Variants in PTPRG observed in about 807,000 individuals in gnomAD.
PTPRG encodes the protein receptor-type tyrosine-protein phosphatase gamma.
PTPRG carries 102 observed loss-of-function variants against 165.3 expected under a neutral mutation model. The ratio of observed to expected loss-of-function variants is 0.62; its 90% CI spans 0.53 to 0.73. The LOEUF is 0.73. PTPRG is among the 30% of genes least tolerant of loss of function. The pLI, the probability that PTPRG is intolerant of heterozygous loss-of-function variation, is 0.00. For synonymous variants in PTPRG, 675 were observed against 669.5 expected (o/e 1.01, Z -0.13); for missense variants, 1,866 against 1,861.4 (o/e 1.00, Z -0.05).
chr3:61,885,400 C>T (rs1053500708), intron 2 of PTPRG, among the ~76,000 whole-genome samples: 3 of 146,220 alleles, frequency 2.1e-5, no homozygotes, highest in African/African-American at 5.4e-5. Flanking sequence ...TAGCCACTGT[C>T]GGTGTTTTTT....
chr3:62,273,235 C>T lies in PTPRG; in HGVS notation c.3318+154C>T, dbSNP rs1254333170. 6.6e-6 allele frequency among the ~76,000 whole-genome samples: 1 copy of T among 152,310 alleles called. No individual in the cohort carries two copies. Among genetic ancestry groups the T allele is most frequent in the East Asian group, 1.9e-4 (1 of 5,176 alleles). Reference sequence around the variant, plus strand: ...ATATTCTGACAATGATCCTATTCTACGGATCACAGTTTTCCATTTCTGTAT... The same window carrying T: ...ATATTCTGACAATGATCCTATTCTATGGATCACAGTTTTCCATTTCTGTAT... On this transcript the variant is annotated intron_variant, in intron 22 of 29. Coordinates refer to ENST00000474889, the MANE Select transcript of PTPRG (RefSeq NM_002841.4). The surrounding 1 kb of genome is among the most constrained non-coding windows in gnomAD (Gnocchi z 4.1).
At chr3:62,220,404 G>C (rs370477372) in intron 13 of PTPRG, among the ~76,000 whole-genome samples, 7 of 152,342 alleles carry the variant, frequency 4.6e-5, no homozygotes, top group African/African-American at 1.7e-4. Context: ...ACTAGTTCAA[G>C]AAGGACACGA....
chr3:62,161,830 T>C (rs780288643), intron 7 of PTPRG, among the ~76,000 whole-genome samples: 5 of 152,182 alleles, frequency 3.3e-5, no homozygotes, highest in Non-Finnish European at 5.9e-5. Flanking sequence ...TCCATTATCA[T>C]TGTCTTGTTT....
chr3:62,125,680 C>CTTT (rs34765777), intron 5 of PTPRG, among the ~76,000 whole-genome samples: 3 of 139,794 alleles, frequency 2.1e-5, no homozygotes, highest in East Asian at 2.1e-4. Context: ...GATCTCATAC[C>CTTT]TTTTTTTTTT....
At chr3:61,652,947 C>G (rs1292462113) in intron 1 of PTPRG, among the ~76,000 whole-genome samples, 1 of 152,164 alleles carries the variant, frequency 6.6e-6, no homozygotes, top group Non-Finnish European at 1.5e-5. Context: ...ATCTTTGTAT[C>G]AAAATGCTAT....
At chr3:61,901,091 T>C (rs2038487930) in intron 2 of PTPRG, among the ~76,000 whole-genome samples, 1 of 152,230 alleles carries the variant, frequency 6.6e-6, no homozygotes, top group Non-Finnish European at 1.5e-5. Context: ...TAGGAATAGA[T>C]GGCAAACCAT....
chr3:61,794,713 T>C (rs916171965), intron 2 of PTPRG, among the ~76,000 whole-genome samples: 1 of 152,208 alleles, frequency 6.6e-6, no homozygotes, highest in Non-Finnish European at 1.5e-5. Context: ...GAAAAATGAG[T>C]AAATTCATCA....
At chr3:62,028,472 T>C (rs986141137) in intron 4 of PTPRG, among the ~76,000 whole-genome samples, 1 of 152,228 alleles carries the variant, frequency 6.6e-6, no homozygotes, top group Non-Finnish European at 1.5e-5. Context: ...AATTGTTTAG[T>C]TCATAAGAGG....
chr3:61,758,711 C>T (rs1009121402), intron 2 of PTPRG, among the ~76,000 whole-genome samples: 1 of 152,016 alleles, frequency 6.6e-6, no homozygotes, highest in Non-Finnish European at 1.5e-5. Context: ...CCTCAGCCTC[C>T]CAAAGTGCCA....
intron 5 of PTPRG, among the ~76,000 whole-genome samples, chr3:62,103,019 A>C (rs943945587): frequency 6.6e-6 from 1 of 152,164 alleles, no homozygotes; most frequent in Non-Finnish European, 1.5e-5. Context: ...GTTATATCCT[A>C]CCAGCCCATC....
intron 6 of PTPRG, among the ~76,000 whole-genome samples, chr3:62,147,413 A>T (rs1233874359): frequency 6.6e-6 from 1 of 152,202 alleles, no homozygotes; most frequent in African/African-American, 2.4e-5. Context: ...AGACTCAGAA[A>T]GTTGACGGGG....
At chr3:62,146,462 A>T (rs1704125666) in intron 6 of PTPRG, among the ~76,000 whole-genome samples, 1 of 152,060 alleles carries the variant, frequency 6.6e-6, no homozygotes, top group African/African-American at 2.4e-5. Context: ...ATGCCATAGT[A>T]TGGGCCCCGG....
rs926330367 is a variant in PTPRG at position 62,237,136 on chromosome 3, T to C, written c.2375+5825T>C. 6.6e-6 allele frequency among the ~76,000 whole-genome samples: 1 copy of C among 152,162 alleles called. No individual in the cohort carries two copies. Among genetic ancestry groups the C allele is most frequent in the Non-Finnish European group, 1.5e-5 (1 of 68,028 alleles). ...CTTGTCAGAAGGGCAGAAAAAGATA[T>C]AAGAAAATTGTTAGCTCATATCAGA... On this transcript the variant is annotated intron_variant, in intron 14 of 29. Transcript: ENST00000474889. This position sits in a 1 kb window ranked among gnomAD's most constrained non-coding sequence, Gnocchi z 4.5.
At chr3:62,277,240 T>G (rs990182255) in intron 25 of PTPRG, among the ~76,000 whole-genome samples, 192 bp downstream of exon 25, 20 of 152,158 alleles carry the variant, frequency 1.3e-4, no homozygotes, top group Non-Finnish European at 2.9e-4. Context: ...AATGCTTAAA[T>G]TAAGCAGAAT....
intron 12 of PTPRG, among the ~76,000 whole-genome samples, chr3:62,216,651 C>G (rs954812438): frequency 6.6e-6 from 1 of 151,934 alleles, no homozygotes; most frequent in African/African-American, 2.4e-5. Flanking sequence ...CACCAGAGCT[C>G]TGCTATAAAA....
chr3:61,773,428 T>A (rs2034272451), intron 2 of PTPRG, among the ~76,000 whole-genome samples: 1 of 152,064 alleles, frequency 6.6e-6, no homozygotes, highest in Non-Finnish European at 1.5e-5. Context: ...TAGAAAGAAG[T>A]GGTGAAAACT....
chr3:61,684,221 T>A (rs1193697579), intron 1 of PTPRG, among the ~76,000 whole-genome samples: 1 of 152,016 alleles, frequency 6.6e-6, no homozygotes, highest in African/African-American at 2.4e-5. Flanking sequence ...CCTATGGGAG[T>A]GTATATGCTG....
At chr3:62,100,036 A>T (rs1702238031) in intron 5 of PTPRG, among the ~76,000 whole-genome samples, 1 of 151,898 alleles carries the variant, frequency 6.6e-6, no homozygotes, top group African/African-American at 2.4e-5. Flanking sequence ...TGACATCATG[A>T]TCTTCCCACC....
chr3:61,976,856 A>G (rs78375537), intron 2 of PTPRG, among the ~76,000 whole-genome samples: 5,517 of 151,928 alleles, frequency 0.036, 190 homozygotes, highest in East Asian at 0.18. Context: ...TTGTATTTTT[A>G]TATAGATAGG....
Sources: allele counts gnomAD v4.1 joint callset (sites outside exome capture counted in the v4.1 genomes callset), GRCh38; gene constraint gnomAD v4.1.1; non-coding constraint Gnocchi (gnomAD v3.1); transcripts MANE v1.5; gene names NCBI Gene and HGNC (gene_info 2026-07-23, HGNC 2026-07-21).